The following RBM6 variants were observed in gnomAD, a reference collection of about 807,000 sequenced individuals.
RBM6 encodes the protein RNA-binding protein 6.
A neutral mutation model predicts 140.4 loss-of-function variants in RBM6; 23 were observed. The ratio of observed to expected loss-of-function variants is 0.16; its 90% CI spans 0.12 to 0.23. The LOEUF (loss-of-function observed/expected upper bound fraction) is 0.23, where lower values mean the gene tolerates loss of function less well. RBM6 is among the 10% of genes least tolerant of loss of function. RBM6 has a pLI of 1.00. For synonymous variants in RBM6, 439 were observed against 475.6 expected, an observed-to-expected ratio of 0.92 and a Z score of 1.00; for missense variants, 1,139 against 1,386.7, an observed-to-expected ratio of 0.82 and a Z score of 2.84.
At chr3:50,052,412 G>T (rs2089506666) in intron 7 of RBM6, among the ~76,000 whole-genome samples, 1 of 152,124 alleles carries the variant, frequency 6.6e-6, no homozygotes, top group African/African-American at 2.4e-5. Context: ...GATCCTAACT[G>T]CCACTCACTA....
At chr3:49,985,076 A>C (rs2085498789) in intron 5 of RBM6, among the ~76,000 whole-genome samples, 1 of 152,164 alleles carries the variant, frequency 6.6e-6, no homozygotes, top group Admixed American at 6.5e-5. Flanking sequence ...CTTTTGCCAA[A>C]TGCTCAGGTA....
chr3:50,061,543 C>G lies in RBM6; in HGVS notation c.2435C>G (p.Thr812Ser). 6.3e-7 allele frequency: 1 copy of G among 1,589,554 alleles called. No homozygotes were observed. The highest frequency in any genetic ancestry group is 8.5e-7 in the Non-Finnish European group (1 of 1,174,494). The change falls in exon 14 of 21, where the codon ACC becomes AGC. Residue 812 changes from threonine to serine, a missense_variant. Around this residue, in one of 9 missense-constraint regions of RBM6, gnomAD observed 163 missense variants for 182.8 expected, o/e 0.89. Transcript: ENST00000266022. The stretch of plus-strand genomic sequence containing the variant: ...GCAGGAACTTATTATGACCCCAATA[C>G]CCAGGTGAGTTTGGGGCTTTTTTTT... The part of the protein sequence containing the change: ...PLAGTYYDPN[T>S]QQEVYVPQDP...
At chr3:49,973,643 T>TGGC (rs1324497460) in intron 4 of RBM6, among the ~76,000 whole-genome samples, 1 of 148,434 alleles carries the variant, frequency 6.7e-6, no homozygotes, top group Non-Finnish European at 1.5e-5. Context: ...TGGAGTGCAG[T>TGGC]GGCGCGATCT....
chr3:49,945,941 C>T (rs564500507), intron 1 of RBM6, among the ~76,000 whole-genome samples: 2 of 148,146 alleles, frequency 1.4e-5, no homozygotes, highest in Admixed American at 6.7e-5. Context: ...TCCAGCAGGA[C>T]TGCTGTCTTC....
At chr3:50,001,638 C>T (rs571806823) in intron 6 of RBM6, among the ~76,000 whole-genome samples, 1 of 151,996 alleles carries the variant, frequency 6.6e-6, no homozygotes, top group Non-Finnish European at 1.5e-5. Flanking sequence ...GGAACCAATC[C>T]CCTGTGGACA....
chr3:49,994,560 A>G (rs1412233276), intron 5 of RBM6, among the ~76,000 whole-genome samples: 3 of 152,192 alleles, frequency 2.0e-5, no homozygotes, highest in South Asian at 2.1e-4. Context: ...AACAGGACCT[A>G]TAGAAGTTAA....
intron 5 of RBM6, among the ~76,000 whole-genome samples, chr3:49,998,146 G>A (rs187356214): frequency 6.5e-4 from 99 of 152,222 alleles, no homozygotes; most frequent in African/African-American, 2.2e-3. Context: ...TAAAATCAAA[G>A]TTTATTGTTA....
chr3:49,999,848 C>A (rs2086244891), intron 6 of RBM6, among the ~76,000 whole-genome samples: 1 of 151,902 alleles, frequency 6.6e-6, no homozygotes, highest in Non-Finnish European at 1.5e-5. Flanking sequence ...AAAGAATGAT[C>A]CTTGATTGTC....
At chr3:50,029,552 G>A (rs1457903969) in intron 6 of RBM6, among the ~76,000 whole-genome samples, 5 of 152,046 alleles carry the variant, frequency 3.3e-5, no homozygotes, top group African/African-American at 9.7e-5. Flanking sequence ...AGCCAATATG[G>A]CGAAACCCCG....
intron 5 of RBM6, among the ~76,000 whole-genome samples, chr3:49,991,271 G>T (rs2085807985): frequency 6.6e-6 from 1 of 152,200 alleles, no homozygotes; most frequent in Non-Finnish European, 1.5e-5. Context: ...CCAGCATGTA[G>T]ATGTATTCAC....
At chr3:50,075,177 TG>T (rs2090422557) in intron 19 of RBM6, 23 bp from the exon 20 acceptor site, 2 of 1,570,322 alleles carry the variant, frequency 1.3e-6, no homozygotes, top group East Asian at 4.5e-5. Context: ...AAAAAGGAAG[TG>T]ATGGTGTCTG....
In RBM6 at chr3:50,067,186, CAAA is replaced by C. The variant is rs751552449; in HGVS notation, c.2943+708_2943+710del. On this transcript the variant is annotated intron_variant, in intron 17 of 20. Coordinates refer to ENST00000266022, the MANE Select transcript of RBM6 (RefSeq NM_005777.3). ...TGGGTGACAGACCAAGACTCTATCT[CAAA>C]AAAAAAAAAAAAAAAAAAAAAAAGC... 3.6e-4 allele frequency among the ~76,000 whole-genome samples: 7 copies of C among 19,576 alleles called. No homozygotes were observed. The East Asian group carries it at 7.4e-3, about 21-fold the overall frequency. The allele number at this position is 19,576 out of a possible 152,430, so 12.8% of individuals were successfully genotyped here. A position where few individuals can be genotyped will look rare whatever the true frequency, so the allele number is the denominator to read the frequency against.
At chr3:50,055,028 T>C (rs565217779) in intron 8 of RBM6, among the ~76,000 whole-genome samples, 17 of 152,266 alleles carry the variant, frequency 1.1e-4, no homozygotes, top group Non-Finnish European at 2.4e-4. Flanking sequence ...TTCACCGTGT[T>C]AGCCAGGATG....
chr3:49,962,440 A>AAAAAGAAAAG, intron 1 of RBM6, 136 bp from the exon 2 acceptor site: 1 of 564,976 alleles, frequency 1.8e-6, no homozygotes, highest in Non-Finnish European at 3.1e-6. Flanking sequence ...TCAAAAAAAA[A>AAAAAGAAAAG]AAAGAAAAGA....
intron 15 of RBM6, among the ~76,000 whole-genome samples, chr3:50,063,581 A>T (rs1207153396): frequency 6.7e-6 from 1 of 149,998 alleles, no homozygotes; most frequent in Non-Finnish European, 1.5e-5. Context: ...TGGACAACAG[A>T]GCCAGACTTG....
chr3:50,045,317 C>T (rs2089167570), intron 6 of RBM6, among the ~76,000 whole-genome samples: 1 of 152,116 alleles, frequency 6.6e-6, no homozygotes, highest in Admixed American at 6.5e-5. Flanking sequence ...AATGACAACC[C>T]ACATGTTTTA....
In RBM6 at chr3:50,068,713, G is replaced by A; in HGVS notation, c.2967G>A (p.Lys989=). 6.2e-7 allele frequency: 1 copy of A among 1,614,150 alleles called. No individual in the cohort carries two copies. Among genetic ancestry groups the A allele is most frequent in the Non-Finnish European group, 8.5e-7 (1 of 1,180,010 alleles). ...LHKQNLEIHR[K]IKQSEQELAY... ...AGCAAAACCTGGAAATCCACCGGAAGATAAAACAGTCTGAGCAGGAGCTAG... is the reference window on the plus strand; with the variant it reads ...AGCAAAACCTGGAAATCCACCGGAAAATAAAACAGTCTGAGCAGGAGCTAG... Residue 989 remains lysine, a synonymous_variant, in exon 18 of 21, where the codon AAG becomes AAA. Transcript: ENST00000266022.
intron 1 of RBM6, among the ~76,000 whole-genome samples, chr3:49,957,650 C>A (rs1350150607): frequency 2.6e-5 from 4 of 152,082 alleles, no homozygotes; most frequent in Non-Finnish European, 5.9e-5. Context: ...TTTCTCTTCC[C>A]TTTTCTGTTA....
intron 15 of RBM6, among the ~76,000 whole-genome samples, chr3:50,062,620 A>G (rs1400968654): frequency 6.6e-6 from 1 of 152,132 alleles, no homozygotes; most frequent in Non-Finnish European, 1.5e-5. Context: ...GGTAGAACAA[A>G]GTGGCCCAGC....
Sources: allele counts gnomAD v4.1 joint callset (sites outside exome capture counted in the v4.1 genomes callset), GRCh38; gene constraint gnomAD v4.1.1; regional missense constraint gnomAD v4.1.1; transcripts MANE v1.5; gene names NCBI Gene and HGNC (gene_info 2026-07-23, HGNC 2026-07-21).